AKR1A1: variants seen among roughly 807,000 people sequenced by gnomAD.
The protein encoded by AKR1A1 is HEL-S-165mP.
A neutral mutation model predicts 39.2 loss-of-function variants in AKR1A1; 26 were observed. That is an observed-to-expected ratio of 0.66 (90% CI 0.49 to 0.92). The LOEUF (loss-of-function observed/expected upper bound fraction) is 0.92. Ranked by LOEUF, AKR1A1 falls within the 40% of genes least tolerant of loss-of-function variation. The pLI is 0.00. For synonymous variants in AKR1A1, 141 were observed against 155.5 expected (o/e 0.91, Z 0.69); for missense variants, 378 against 406.5 (o/e 0.93, Z 0.60).
chr1:45,555,835 A>G (rs566744695), intron 1 of AKR1A1, among the ~76,000 whole-genome samples: 1 of 152,134 alleles, frequency 6.6e-6, no homozygotes, highest in South Asian at 2.1e-4. Flanking sequence ...TCTGTACTCT[A>G]CTGCTGGATT....
At chr1:45,559,488 A>G (rs1195028140) in intron 1 of AKR1A1, among the ~76,000 whole-genome samples, 18 of 152,150 alleles carry the variant, frequency 1.2e-4, no homozygotes, top group Middle Eastern at 3.4e-3. Flanking sequence ...ACCAGTGTCA[A>G]TATTTCTTTG....
intron 1 of AKR1A1, among the ~76,000 whole-genome samples, chr1:45,554,266 A>G (rs1181235346): frequency 1.3e-5 from 2 of 151,148 alleles, no homozygotes; most frequent in Non-Finnish European, 3.0e-5. Context: ...GTCTCTACGA[A>G]AAACACAAAA....
chr1:45,569,885 T>C lies in AKR1A1; in HGVS notation c.913-6T>C. 6.2e-7 allele frequency: 1 copy of C among 1,613,742 alleles called. No homozygotes were observed. Among genetic ancestry groups the C allele is most frequent in the Non-Finnish European group, 8.5e-7 (1 of 1,179,688 alleles). ...GATGGAGTAATCTATCTGTCTCTCT[T>C]TCCAGGTGGATGGGAAGAGAGTCCC... On this transcript the variant is annotated splice_polypyrimidine_tract_variant and splice_region_variant and intron_variant, in intron 8 of 8. Transcript: ENST00000351829.
chr1:45,568,485 G>C lies in AKR1A1; in HGVS notation c.553G>C (p.Val185Leu). The C allele has an allele frequency of 6.2e-7, 1 of 1,613,498 alleles. No homozygotes were observed. The change falls in exon 6 of 9, where the codon GTG (valine) becomes CTG (leucine). Residue 185 changes from valine (V) to leucine (L), a missense_variant and splice_region_variant. Physicochemically the swap from Val to Leu is conservative, Grantham distance 32. Transcript: ENST00000351829. ...GGTGATGGGTTATTCTTTGGCTCAG[G>C]TGGAATGCCACCCATACTTGGCTCA... ...VASVRPAVLQ[V>L]ECHPYLAQNE...
chr1:45,555,141 C>T lies in AKR1A1; in HGVS notation c.-7+3986C>T, dbSNP rs1644184627. On this transcript the variant is annotated intron_variant, in intron 1 of 8. Transcript: ENST00000351829. Reference sequence around the variant, plus strand: ...CAAGTTGTGCATCTGCGGATTCAACCTAGAATCAAAAATACTTGGGAACAA... The same window carrying T: ...CAAGTTGTGCATCTGCGGATTCAACTTAGAATCAAAAATACTTGGGAACAA... 3.3e-5 allele frequency among the ~76,000 whole-genome samples: 5 copies of T among 152,098 alleles called. No individual in the cohort carries two copies. The South Asian group carries it at 1.0e-3, about 32-fold the overall frequency.
intron 2 of AKR1A1, 115 bp downstream of exon 2, chr1:45,561,993 G>C: frequency 9.7e-7 from 1 of 1,031,172 alleles, no homozygotes; most frequent in Non-Finnish European, 1.5e-6. Context: ...AGAGATAAGA[G>C]AAGACACCAA....
rs3842535 is a variant in AKR1A1, at chr1:45,551,979, TTGTATGTATGTA to T, written c.-7+855_-7+866del. Among the ~76,000 whole-genome samples the T allele has an allele frequency of 8.8e-4, 129 of 146,536 alleles. No homozygotes were observed. In the East Asian group the frequency reaches 0.01, roughly 12 times the overall value. ...GTGTGTGGTGTGTGTATTGTGTACA[TTGTATGTATGTA>T]TGTATGTATGTATGTATGTATGTAT... On this transcript the variant is annotated intron_variant, in intron 1 of 8. Coordinates refer to ENST00000351829, the MANE Select transcript of AKR1A1 (RefSeq NM_153326.3).
chr1:45,565,286 A>G (rs1269602471), intron 2 of AKR1A1, among the ~76,000 whole-genome samples: 2 of 150,446 alleles, frequency 1.3e-5, no homozygotes, highest in Admixed American at 6.6e-5. Context: ...ATGCACCACC[A>G]CGCCCAGCTA....
chr1:45,564,285 G>A (rs941106795), intron 2 of AKR1A1, among the ~76,000 whole-genome samples: 12 of 152,146 alleles, frequency 7.9e-5, no homozygotes, highest in African/African-American at 2.4e-4. Context: ...AGGCCAAGGC[G>A]GGGCATGGAA....
intron 2 of AKR1A1, among the ~76,000 whole-genome samples, chr1:45,563,801 T>C (rs1482991571): frequency 6.6e-6 from 1 of 152,158 alleles, no homozygotes; most frequent in Non-Finnish European, 1.5e-5. Flanking sequence ...AGAAAAATAA[T>C]AATAAAATAA....
intron 1 of AKR1A1, among the ~76,000 whole-genome samples, chr1:45,552,050 A>G (rs1644137830): frequency 6.6e-6 from 1 of 152,082 alleles, no homozygotes; most frequent in African/African-American, 2.4e-5. Context: ...TGAGGGGTTC[A>G]GGCAGATGAC....
rs1391788903 is a variant in AKR1A1 at position 45,569,369 on chromosome 1, C to A, written c.912+140C>A. ...ATTGCTATGCTGGACATAGTGCCCT[C>A]ATTTCTCTTTATTGAGCTCAGGGAA... is the stretch of plus-strand genomic sequence containing the variant. On this transcript the variant is annotated intron_variant, in intron 8 of 8. Transcript: ENST00000351829. 7.0e-6 allele frequency: 5 copies of A among 712,548 alleles called. No individual in the cohort carries two copies. The South Asian group carries it at 8.6e-5, about 12-fold the overall frequency. 44.1% of individuals were successfully genotyped at this position (712,548 alleles called of 1,614,324 possible). A position where few individuals can be genotyped will look rare whatever the true frequency, so the allele number is the denominator to read the frequency against.
In AKR1A1 at chr1:45,569,214, T is replaced by C; in HGVS notation, c.897T>C (p.Ile299=). ...CCCTGAACAAAAATTGGAGATATATTGTGCCTATGCTTACGGTGAGGATGT... is the reference window on the plus strand; with the variant it reads ...CCCTGAACAAAAATTGGAGATATATCGTGCCTATGCTTACGGTGAGGATGT... The part of the protein sequence containing the change: ...LNALNKNWRY[I]VPMLTVDGKR... Residue 299 remains isoleucine (I), a synonymous_variant, in exon 8 of 9, where the codon ATT becomes ATC. Coordinates refer to ENST00000351829, the MANE Select transcript of AKR1A1 (RefSeq NM_153326.3). The C allele has an allele frequency of 6.2e-7, 1 of 1,613,956 alleles. No homozygotes were observed. The highest frequency in any genetic ancestry group is 2.2e-5 in the East Asian group (1 of 44,874).
intron 1 of AKR1A1, among the ~76,000 whole-genome samples, chr1:45,553,563 T>G (rs1426802481): frequency 1.3e-5 from 2 of 152,212 alleles, no homozygotes; most frequent in African/African-American, 2.4e-5. Context: ...ATTGCAATCT[T>G]AGGTCTTAGG....
intron 2 of AKR1A1, among the ~76,000 whole-genome samples, chr1:45,564,742 T>C (rs959331798): frequency 2.6e-5 from 4 of 152,034 alleles, no homozygotes; most frequent in Admixed American, 1.3e-4. Context: ...ACTTCTTTTC[T>C]CTATTTATCC....
intron 1 of AKR1A1, among the ~76,000 whole-genome samples, chr1:45,557,531 T>C (rs1175727723): frequency 3.3e-5 from 5 of 152,202 alleles, no homozygotes; most frequent in African/African-American, 1.2e-4. Context: ...TTCTTCTTCC[T>C]TTTCCCCTTA....
chr1:45,557,490 A>G (rs1644220106), intron 1 of AKR1A1, among the ~76,000 whole-genome samples: 1 of 152,186 alleles, frequency 6.6e-6, no homozygotes, highest in Non-Finnish European at 1.5e-5. Flanking sequence ...CAGTTTCACC[A>G]GCAAAAGAAA....
intron 1 of AKR1A1, among the ~76,000 whole-genome samples, chr1:45,553,988 C>T (rs1644168086): frequency 6.8e-6 from 1 of 147,172 alleles, no homozygotes; most frequent in Admixed American, 6.9e-5. Flanking sequence ...GAGCGAGACT[C>T]CGTCTCAAAA....
chr1:45,555,319 C>T (rs1229176842), intron 1 of AKR1A1, among the ~76,000 whole-genome samples: 1 of 152,130 alleles, frequency 6.6e-6, no homozygotes, highest in Non-Finnish European at 1.5e-5. Context: ...GAAACCCTGT[C>T]TCTACTAAAA....
Sources: allele counts gnomAD v4.1 joint callset (sites outside exome capture counted in the v4.1 genomes callset), GRCh38; gene constraint gnomAD v4.1.1; transcripts MANE v1.5; gene names NCBI Gene and HGNC (gene_info 2026-07-23, HGNC 2026-07-21).